The following DOCK8 variants were observed in gnomAD, a reference collection of about 807,000 sequenced individuals.
The protein encoded by DOCK8 is dedicator of cytokinesis 8.
DOCK8 carries 141 observed loss-of-function variants against 245.6 expected under a neutral mutation model. The observed-to-expected ratio is 0.57, with a 90% CI of 0.50 to 0.66. The LOEUF is 0.66. Among genes scored for constraint, DOCK8 ranks in the 30% least tolerant of loss-of-function variants. DOCK8 has a pLI of 0.00. For synonymous variants in DOCK8, 1,168 were observed against 970.2 expected, an observed-to-expected ratio of 1.20 and a Z score of -3.79; for missense variants, 2,965 against 2,603.4, an observed-to-expected ratio of 1.14 and a Z score of -3.02.
At chr9:350,406 T>A (rs187814337) in intron 14 of DOCK8, among the ~76,000 whole-genome samples, 380 of 152,362 alleles carry the variant, frequency 2.5e-3, no homozygotes, top group African/African-American at 8.2e-3. Flanking sequence ...CTTGTGTTTT[T>A]TACCTTTGCA....
intron 1 of DOCK8, among the ~76,000 whole-genome samples, chr9:231,492 A>G (rs11788437): frequency 0.066 from 10,018 of 152,226 alleles, 328 homozygotes; most frequent in African/African-American, 0.08. Flanking sequence ...TACCTTGGGC[A>G]GTATGGCCAT....
At chr9:297,695 A>G (rs997481507) in intron 4 of DOCK8, among the ~76,000 whole-genome samples, 1 of 152,114 alleles carries the variant, frequency 6.6e-6, no homozygotes, top group Non-Finnish European at 1.5e-5. Flanking sequence ...GGAATGAGTC[A>G]TCTTTACATG....
chr9:220,018 T>A (rs948371293), intron 1 of DOCK8, among the ~76,000 whole-genome samples: 11 of 152,204 alleles, frequency 7.2e-5, no homozygotes, highest in Admixed American at 3.3e-4. Flanking sequence ...CATAAAAATA[T>A]ATGTATTCAA....
At chr9:387,906 C>T (rs1048185028) in intron 23 of DOCK8, among the ~76,000 whole-genome samples, 1 of 152,112 alleles carries the variant, frequency 6.6e-6, no homozygotes, top group East Asian at 1.9e-4. Flanking sequence ...TTGAAATGAC[C>T]AGAATAGAGA....
At chr9:355,316 G>A (rs906691017) in intron 14 of DOCK8, among the ~76,000 whole-genome samples, 2 of 148,552 alleles carry the variant, frequency 1.3e-5, no homozygotes, top group Non-Finnish European at 3.0e-5. Flanking sequence ...CGATTCCCCT[G>A]CCTTAGCCTC....
At chr9:251,985 T>C (rs892715926) in intron 1 of DOCK8, among the ~76,000 whole-genome samples, 1 of 150,238 alleles carries the variant, frequency 6.7e-6, no homozygotes, top group Non-Finnish European at 1.5e-5. Context: ...TTTTTTTTTT[T>C]TTTTTTGAGA....
intron 44 of DOCK8, among the ~76,000 whole-genome samples, chr9:447,886 C>T (rs1311563561): frequency 1.3e-5 from 2 of 152,142 alleles, no homozygotes; most frequent in Non-Finnish European, 2.9e-5. Context: ...GTGACTCAGT[C>T]GGGAGGAGGT....
intron 28 of DOCK8, among the ~76,000 whole-genome samples, chr9:409,563 A>AT (rs918132414): frequency 6.6e-6 from 1 of 152,160 alleles, no homozygotes; most frequent in Non-Finnish European, 1.5e-5. Flanking sequence ...ATATGTATAT[A>AT]TTTTTTAAAT....
At chr9:275,859 G>T (rs957221374) in intron 2 of DOCK8, among the ~76,000 whole-genome samples, 2 of 147,776 alleles carry the variant, frequency 1.4e-5, no homozygotes, top group African/African-American at 5.0e-5. Flanking sequence ...AAAGTGCTGG[G>T]ATTACAGGCA....
chr9:215,054 G>A (rs754090358), intron 1 of DOCK8, 25 bp downstream of exon 1: 2 of 1,561,490 alleles, frequency 1.3e-6, no homozygotes, highest in African/African-American at 1.4e-5. Flanking sequence ...GCGGCGCGCA[G>A]GTTGCGGCCG....
At chr9:244,460 C>G (rs1393148116) in intron 1 of DOCK8, among the ~76,000 whole-genome samples, 1 of 152,012 alleles carries the variant, frequency 6.6e-6, no homozygotes, top group Non-Finnish European at 1.5e-5. Context: ...TTTATACGCA[C>G]AGAGCACTCT....
At chr9:345,746 C>T (rs116612044) in intron 14 of DOCK8, among the ~76,000 whole-genome samples, 3 of 152,090 alleles carry the variant, frequency 2.0e-5, no homozygotes, top group African/African-American at 7.2e-5. Flanking sequence ...GCGTGGGGCA[C>T]CATTCGAGTT....
At chr9:255,712 C>G (rs912062375) in intron 1 of DOCK8, among the ~76,000 whole-genome samples, 2 of 149,484 alleles carry the variant, frequency 1.3e-5, no homozygotes, top group African/African-American at 4.9e-5. Context: ...ATAACTTTAC[C>G]GTACATAACT....
At chr9:349,421 TA>T (rs2052054658) in intron 14 of DOCK8, among the ~76,000 whole-genome samples, 3 of 152,236 alleles carry the variant, frequency 2.0e-5, no homozygotes, top group Admixed American at 2.0e-4. Context: ...CATGGCTTCA[TA>T]AGGATAAAAT....
intron 28 of DOCK8, among the ~76,000 whole-genome samples, chr9:407,411 G>A (rs7037092): frequency 0.13 from 20,471 of 152,262 alleles, 1,437 homozygotes; most frequent in Admixed American, 0.17. Flanking sequence ...AAAGGGGATA[G>A]CATGCAGAGG....
Position 396,748 on chromosome 9 carries a change from ATC to A in DOCK8, c.2971-34_2971-33del, listed in dbSNP as rs1381667982. 8 of 1,613,674 alleles carry A rather than the reference ATC, an allele frequency of 5.0e-6. No individual in the cohort carries two copies. In the African/African-American group the frequency reaches 1.1e-4, roughly 22 times the overall value. On this transcript the variant is annotated intron_variant, in intron 24 of 47. Coordinates refer to ENST00000432829, the MANE Select transcript of DOCK8 (RefSeq NM_203447.4). ...TCTGCATTGTACAAGCAGGTCACCA[ATC>A]TCCATGTTGACATTTCCTCCATCCC...
intron 7 of DOCK8, among the ~76,000 whole-genome samples, chr9:324,414 C>T (rs1313496582): frequency 2.0e-5 from 3 of 152,102 alleles, no homozygotes; most frequent in Non-Finnish European, 2.9e-5. Context: ...AGGTAACATC[C>T]AAAGCCATGG....
intron 2 of DOCK8, chr9:273,072 C>T (rs1021245590): frequency 2.9e-5 from 29 of 985,280 alleles, no homozygotes; most frequent in African/African-American, 3.5e-5. Context: ...TAACAATTTA[C>T]GCGCCGTGTA....
chr9:403,305 C>T (rs754734056), intron 26 of DOCK8, among the ~76,000 whole-genome samples: 8 of 152,178 alleles, frequency 5.3e-5, no homozygotes, highest in Non-Finnish European at 8.8e-5. Flanking sequence ...CTTGACCCGA[C>T]ACCTGTTAAT....
Sources: allele counts gnomAD v4.1 joint callset (sites outside exome capture counted in the v4.1 genomes callset), GRCh38; gene constraint gnomAD v4.1.1; transcripts MANE v1.5; gene names NCBI Gene and HGNC (gene_info 2026-07-23, HGNC 2026-07-21).